The following DLG2 variants were observed in gnomAD, a reference collection of about 807,000 sequenced individuals.
DLG2 encodes the protein disks large homolog 2.
In DLG2, 45 loss-of-function variants were observed where a neutral mutation model predicts 132.5. The observed-to-expected ratio is 0.34, with a 90% CI of 0.27 to 0.44. The LOEUF is 0.44. DLG2 is among the 20% of genes least tolerant of loss of function. The pLI, the probability that DLG2 is intolerant of heterozygous loss-of-function variation, is 1.00. For synonymous variants in DLG2, 424 were observed against 419.6 expected (o/e 1.01, Z -0.13); for missense variants, 1,045 against 1,196.9 (o/e 0.87, Z 1.87).
chr11:84,441,606 T>C (rs889344767), intron 7 of DLG2, among the ~76,000 whole-genome samples: 4 of 152,186 alleles, frequency 2.6e-5, no homozygotes, highest in Non-Finnish European at 4.4e-5. Flanking sequence ...ATATGTATCA[T>C]GTGACTCATC....
chr11:85,357,238 TTGTGTGTGTGTGTGTGTGTGTGTGTG>T (rs71036472), intron 3 of DLG2, among the ~76,000 whole-genome samples: 38 of 118,200 alleles, frequency 3.2e-4, no homozygotes, highest in African/African-American at 9.9e-4. Context: ...AATATCCTCT[TTGTGTGTGTGTGTGTGTGTGTGTGTG>T]TGTGTGTGTG....
intron 11 of DLG2, among the ~76,000 whole-genome samples, chr11:84,007,361 T>G (rs2094620659): frequency 6.6e-6 from 1 of 151,718 alleles, no homozygotes; most frequent in Non-Finnish European, 1.5e-5. Flanking sequence ...TATTTTCAAT[T>G]ACACAGCAGT....
At chr11:83,726,488 G>C (rs2090021424) in intron 18 of DLG2, among the ~76,000 whole-genome samples, 1 of 152,142 alleles carries the variant, frequency 6.6e-6, no homozygotes, top group Non-Finnish European at 1.5e-5. Context: ...TTTATTTTAT[G>C]ATTGGTTATT....
chr11:84,424,174 G>T (rs868288608), intron 7 of DLG2, among the ~76,000 whole-genome samples: 1 of 152,080 alleles, frequency 6.6e-6, no homozygotes, highest in Non-Finnish European at 1.5e-5. Flanking sequence ...AGTATCTCTG[G>T]TAAGATCAAC....
rs537530038 is a variant in DLG2, at chr11:85,427,353, A to G, written c.41-141988T>C. On this transcript the variant is annotated intron_variant, in intron 3 of 27. Transcript: ENST00000376104. ...ATTCACCAAAGTTGAAATGAAGGAA[A>G]AAATGTTAAGGGCAGCCAGAGAGAA... 5.3e-4 allele frequency among the ~76,000 whole-genome samples: 81 copies of G among 152,334 alleles called. 1 individual carries two copies. The highest frequency in any genetic ancestry group is 6.8e-3 in the Middle Eastern group (2 of 294).
chr11:85,365,536 G>T (rs988511539), intron 3 of DLG2, among the ~76,000 whole-genome samples: 3 of 152,088 alleles, frequency 2.0e-5, no homozygotes, highest in Non-Finnish European at 4.4e-5. Flanking sequence ...GATTCCTCAG[G>T]TATCTAGAAC....
chr11:84,742,749 T>C (rs78271014), intron 6 of DLG2, among the ~76,000 whole-genome samples: 2,314 of 152,286 alleles, frequency 0.015, 58 homozygotes, highest in African/African-American at 0.052. Flanking sequence ...TCAGCAATTA[T>C]TGTATCATAT....
chr11:85,370,099 A>T (rs2084861781), intron 3 of DLG2, among the ~76,000 whole-genome samples: 1 of 152,198 alleles, frequency 6.6e-6, no homozygotes, highest in Non-Finnish European at 1.5e-5. Context: ...TTCACAATTG[A>T]TAAGGCCTAT....
intron 6 of DLG2, among the ~76,000 whole-genome samples, chr11:84,789,937 C>T (rs1228332646): frequency 6.6e-6 from 1 of 152,090 alleles, no homozygotes; most frequent in East Asian, 1.9e-4. Context: ...TATAGTTGAA[C>T]AGTACTCCAT....
chr11:83,458,344 T>TAA lies in DLG2; in HGVS notation c.*1472_*1473dup, dbSNP rs35949430. 1 of 152,452 alleles carries TAA rather than the reference T, an allele frequency of 6.6e-6. No homozygotes were observed. Among genetic ancestry groups the TAA allele is most frequent in the East Asian group, 1.9e-4 (1 of 5,180 alleles). The allele number at this position is 152,452 out of a possible 1,614,324, so 9.4% of individuals were successfully genotyped here. ...TTTAAATCATCGTTATTATAATTGT[T>TAA]AAAAAATAAACTTGGTCCAGGTGCA... On this transcript the variant is annotated 3_prime_UTR_variant, in exon 28 of 28. Coordinates refer to ENST00000376104, the MANE Select transcript of DLG2 (RefSeq NM_001142699.3).
At chr11:85,288,065 G>A (rs1233157104) in intron 3 of DLG2, among the ~76,000 whole-genome samples, 1 of 152,078 alleles carries the variant, frequency 6.6e-6, no homozygotes, top group Non-Finnish European at 1.5e-5. Flanking sequence ...GTAGATACAA[G>A]TTAATGGTAA....
intron 6 of DLG2, among the ~76,000 whole-genome samples, chr11:85,000,519 A>G (rs956861860): frequency 2.0e-5 from 3 of 152,178 alleles, no homozygotes; most frequent in Non-Finnish European, 4.4e-5. Flanking sequence ...ACACAAAACA[A>G]TAATACTTGA....
chr11:85,458,294 G>A (rs529124837), intron 3 of DLG2, among the ~76,000 whole-genome samples: 2 of 150,584 alleles, frequency 1.3e-5, no homozygotes, highest in Admixed American at 1.3e-4. Flanking sequence ...AATCTGTTTG[G>A]TTATTCCTTA....
chr11:85,272,786 G>C (rs1006225077), intron 4 of DLG2, among the ~76,000 whole-genome samples: 1 of 152,036 alleles, frequency 6.6e-6, no homozygotes, highest in African/African-American at 2.4e-5. Context: ...AAAAGAGCCC[G>C]CATCACCAAG....
At chr11:84,508,577 A>G (rs1016041633) in intron 7 of DLG2, among the ~76,000 whole-genome samples, 15 of 150,882 alleles carry the variant, frequency 9.9e-5, no homozygotes, top group Non-Finnish European at 1.9e-4. Flanking sequence ...TAATTTTTGT[A>G]TTAGTAGAGA....
At chr11:84,156,852 T>C (rs1478786037) in intron 9 of DLG2, among the ~76,000 whole-genome samples, 1 of 152,222 alleles carries the variant, frequency 6.6e-6, no homozygotes, top group African/African-American at 2.4e-5. Flanking sequence ...AGTTGTCTAA[T>C]AGTGGCCTCC....
At chr11:84,800,899 G>A (rs1036986615) in intron 6 of DLG2, among the ~76,000 whole-genome samples, 1 of 152,114 alleles carries the variant, frequency 6.6e-6, no homozygotes, top group Non-Finnish European at 1.5e-5. Context: ...CAAATAACAT[G>A]ATTTATAAAA....
intron 7 of DLG2, among the ~76,000 whole-genome samples, chr11:84,267,728 T>C (rs867183178): frequency 1.3e-5 from 2 of 152,222 alleles, no homozygotes; most frequent in African/African-American, 4.8e-5. Flanking sequence ...TGAGACCACA[T>C]AGTTTCTCAC....
At chr11:84,461,389 C>T (rs1206184932) in intron 7 of DLG2, among the ~76,000 whole-genome samples, 1 of 150,840 alleles carries the variant, frequency 6.6e-6, no homozygotes, top group Non-Finnish European at 1.5e-5. Flanking sequence ...TTTTGCCTCT[C>T]TGCTATGTCT....
Sources: gnomAD v4.1 joint callset for allele counts (sites outside exome capture counted in the v4.1 genomes callset) on GRCh38, gnomAD v4.1.1 for gene constraint, MANE v1.5 for transcripts, NCBI Gene and HGNC (gene_info 2026-07-23, HGNC 2026-07-21) for gene names.